The following ADI1 variants were observed in gnomAD, a reference collection of about 807,000 sequenced individuals.
ADI1 encodes the protein acireductone dioxygenase 1, also known as acireductone dioxygenase.
In ADI1, 21 loss-of-function variants were observed where a neutral mutation model predicts 18.7. That is an observed-to-expected ratio of 1.13 (90% CI 0.80 to 1.62). The LOEUF (loss-of-function observed/expected upper bound fraction) is 1.62. Among genes scored for constraint, ADI1 ranks in the 40% most tolerant of loss-of-function variants. The pLI, the probability that ADI1 is intolerant of heterozygous loss-of-function variation, is 0.00. For missense variants in ADI1, 245 were observed against 254.9 expected (o/e 0.96, Z 0.26); for synonymous variants, 90 against 100.1 (o/e 0.90, Z 0.60).
At chr2:3,507,473 C>T (rs1032920886) in intron 2 of ADI1, among the ~76,000 whole-genome samples, 4 of 152,000 alleles carry the variant, frequency 2.6e-5, no homozygotes, top group South Asian at 4.2e-4. Context: ...AAAAGAATTA[C>T]ATCAGACCGT....
rs367787458 is a variant in ADI1 at position 3,500,888 on chromosome 2, G to C, written c.346C>G (p.Arg116Gly). 2 of 1,614,174 alleles carry C rather than the reference G, an allele frequency of 1.2e-6. No individual in the cohort carries two copies. The highest frequency in any genetic ancestry group is 1.7e-6 in the Non-Finnish European group (2 of 1,180,018). ...ATGTCTCCCTTCTCCATGAAGATCC[G>C]GATCCACTGGTCCTCCTTGTCCCTC... Reference protein sequence around the residue: ...DVRDKEDQWIRIFMEKGDMVT... With the variant: ...DVRDKEDQWIGIFMEKGDMVT... The change falls in exon 3 of 4, where the codon CGG (arginine) becomes GGG (glycine). Residue 116 changes from arginine to glycine, a missense_variant. Coordinates refer to ENST00000327435, the MANE Select transcript of ADI1 (RefSeq NM_018269.4).
intron 1 of ADI1, chr2:3,515,591 T>C (rs1051717567): frequency 1.3e-5 from 2 of 151,976 alleles, no homozygotes; most frequent in East Asian, 1.9e-4. Flanking sequence ...TTGCCCTTTG[T>C]CCTGTTCCCT....
intron 1 of ADI1, 101 bp downstream of exon 1, chr2:3,519,267 G>C (rs1310222802): frequency 2.3e-6 from 3 of 1,303,508 alleles, no homozygotes; most frequent in Non-Finnish European, 2.9e-6. Context: ...AGCATGCCGC[G>C]GCTCCCAGGC....
rs1209463227 is a variant in ADI1 at position 3,519,213 on chromosome 2, C to G, written c.120+155G>C. The G allele has an allele frequency of 5.2e-6, 6 of 1,163,710 alleles. No individual in the cohort carries two copies. In the East Asian group the frequency reaches 1.6e-4, roughly 32 times the overall value. 72.1% of individuals were successfully genotyped at this position (1,163,710 alleles called of 1,614,324 possible). ...AGCATGCGCAGCCCACCCCAGGCAC[C>G]GGGAGCCGCCACGAACCCCCAAATC... is the stretch of plus-strand genomic sequence containing the variant. On this transcript the variant is annotated intron_variant, in intron 1 of 3. Transcript: ENST00000327435.
In ADI1 at chr2:3,519,504, G is replaced by C. The variant is rs760405028; in HGVS notation, c.-17C>G. The C allele has an allele frequency of 1.6e-6, 2 of 1,272,182 alleles. No homozygotes were observed. Among genetic ancestry groups the C allele is most frequent in the East Asian group, 3.1e-5 (1 of 32,206 alleles). 78.8% of individuals were successfully genotyped at this position (1,272,182 alleles called of 1,614,324 possible). ...CTGCACCATGACGCGCAGTGCGGGT[G>C]CCGTGTTCGAACCCAGGGGCCGCGC... On this transcript the variant is annotated 5_prime_UTR_variant, in exon 1 of 4. Coordinates refer to ENST00000327435, the MANE Select transcript of ADI1 (RefSeq NM_018269.4).
chr2:3,515,023 G>GT (rs1286303717), intron 1 of ADI1: 2 of 673,072 alleles, frequency 3.0e-6, no homozygotes, highest in Non-Finnish European at 4.5e-6. Flanking sequence ...TGTGATAATT[G>GT]TGTTAACTGT....
rs746861505 is a variant in ADI1, at chr2:3,498,549, C to T, written c.*414G>A. 6.3e-6 allele frequency: 1 copy of T among 157,948 alleles called. No individual in the cohort carries two copies. Among genetic ancestry groups the T allele is most frequent in the African/African-American group, 2.4e-5 (1 of 41,682 alleles). 9.8% of individuals were successfully genotyped at this position (157,948 alleles called of 1,614,324 possible). A position where few individuals can be genotyped will look rare whatever the true frequency, so the allele number is the denominator to read the frequency against. ...GGGAGCTCTTCCCCCTACCACTCCCCACCCCAAGGCATCATTTTGGAGAAA... is the reference window on the plus strand; with the variant it reads ...GGGAGCTCTTCCCCCTACCACTCCCTACCCCAAGGCATCATTTTGGAGAAA... On this transcript the variant is annotated 3_prime_UTR_variant, in exon 4 of 4. Transcript: ENST00000327435.
At chr2:3,516,892 A>G in intron 1 of ADI1, 1 of 982,594 alleles carries the variant, frequency 1.0e-6, no homozygotes, top group Non-Finnish European at 1.2e-6. Flanking sequence ...TAATGTTAAT[A>G]TGGGGTGTGT....
chr2:3,505,003 T>C (rs1667144806), intron 2 of ADI1, among the ~76,000 whole-genome samples: 1 of 152,170 alleles, frequency 6.6e-6, no homozygotes, highest in African/African-American at 2.4e-5. Context: ...TGTGTATGTT[T>C]GTATTGTTGG....
At chr2:3,514,796 A>G (rs958926585) in intron 1 of ADI1, 17 of 1,548,402 alleles carry the variant, frequency 1.1e-5, no homozygotes, top group African/African-American at 1.4e-5. Context: ...ACATTATATC[A>G]TCACTACTTA....
Position 3,519,444 on chromosome 2 carries a change from CG to C in ADI1, c.43del (p.Arg15GlyfsTer38). ...WYMDDAPGDP[R>X]QPHRPDPGRP... ...GCCGGGGTCGGGGCGGTGGGGTTGC[CG>C]CGGGTCGCCCGGGGCGTCGTCCATA... On this transcript the variant is annotated frameshift_variant, in exon 1 of 4. Transcript: ENST00000327435. LOFTEE classifies it high-confidence loss of function. The C allele has an allele frequency of 7.4e-7, 1 of 1,358,740 alleles. No homozygotes were observed. Among genetic ancestry groups the C allele is most frequent in the Non-Finnish European group, 9.4e-7 (1 of 1,061,008 alleles). 84.2% of individuals were successfully genotyped at this position (1,358,740 alleles called of 1,614,324 possible).
chr2:3,515,277 G>A (rs1305709741), intron 1 of ADI1: 1 of 155,898 alleles, frequency 6.4e-6, no homozygotes, highest in Non-Finnish European at 1.4e-5. Flanking sequence ...TCTGGGGAAG[G>A]AATGCATTTC....
At chr2:3,503,811 A>C (rs1667104067) in intron 2 of ADI1, among the ~76,000 whole-genome samples, 1 of 152,222 alleles carries the variant, frequency 6.6e-6, no homozygotes, top group South Asian at 2.1e-4. Context: ...GGTCTGGGAC[A>C]ACGTGAAGAT....
intron 2 of ADI1, among the ~76,000 whole-genome samples, chr2:3,507,577 TAAAG>T (rs1333651544): frequency 1.3e-5 from 2 of 151,146 alleles, no homozygotes; most frequent in Non-Finnish European, 1.5e-5. Context: ...GAAGAAGAAA[TAAAG>T]ACTTTCTCAG....
intron 2 of ADI1, among the ~76,000 whole-genome samples, chr2:3,503,888 T>C (rs1667109514): frequency 6.6e-6 from 1 of 152,106 alleles, no homozygotes; most frequent in Admixed American, 6.5e-5. Flanking sequence ...CCAGCCCCAG[T>C]GGATGCCGAG....
chr2:3,506,507 A>G (rs1667180594), intron 2 of ADI1, among the ~76,000 whole-genome samples: 1 of 152,264 alleles, frequency 6.6e-6, no homozygotes, highest in African/African-American at 2.4e-5. Flanking sequence ...TATGCATAAG[A>G]TCTACAAGAA....
At chr2:3,516,629 A>T in intron 1 of ADI1, 2 of 733,594 alleles carry the variant, frequency 2.7e-6, no homozygotes, top group Non-Finnish European at 3.3e-6. Context: ...TGGACTTCTT[A>T]GCCTCTAGAA....
At chr2:3,514,194 G>C (rs1667351502) in intron 1 of ADI1, among the ~76,000 whole-genome samples, 1 of 151,880 alleles carries the variant, frequency 6.6e-6, no homozygotes, top group Non-Finnish European at 1.5e-5. Flanking sequence ...TTTGATTTCT[G>C]CCTCCCTTCT....
chr2:3,504,788 G>A (rs530704112), intron 2 of ADI1, among the ~76,000 whole-genome samples: 3 of 151,750 alleles, frequency 2.0e-5, no homozygotes, highest in Admixed American at 1.3e-4. Flanking sequence ...GTGTATGTTT[G>A]TATTGTTGGT....
Sources: allele counts gnomAD v4.1 joint callset (sites outside exome capture counted in the v4.1 genomes callset), GRCh38; gene constraint gnomAD v4.1.1; transcripts MANE v1.5; gene names NCBI Gene and HGNC (gene_info 2026-07-23, HGNC 2026-07-21).